Variants in MDN1 observed in about 807,000 individuals in gnomAD.
MDN1 encodes midasin.
A neutral mutation model predicts 669.2 loss-of-function variants in MDN1; 266 were observed. The observed-to-expected ratio is 0.40, with a 90% confidence interval of 0.36 to 0.44. MDN1 has a LOEUF of 0.44. Ranked by LOEUF, MDN1 falls within the 20% of genes least tolerant of loss-of-function variation. MDN1 has a pLI of 1.00. For missense variants in MDN1, 5,940 were observed against 6,754.0 expected (o/e 0.88, Z 4.22); for synonymous variants, 2,385 against 2,457.1 (o/e 0.97, Z 0.87).
At chr6:89,788,066 G>C (rs976452902) in intron 7 of MDN1, 109 bp from the exon 8 acceptor site, 3 of 950,016 alleles carry the variant, frequency 3.2e-6, no homozygotes, top group Admixed American at 2.5e-5. Flanking sequence ...TAAAGGAAAC[G>C]TCAGCTCTCA....
chr6:89,796,802 C>T (rs570808109), intron 2 of MDN1, among the ~76,000 whole-genome samples: 4 of 152,188 alleles, frequency 2.6e-5, no homozygotes, highest in African/African-American at 9.6e-5. Context: ...GGCGCAGTGG[C>T]TCACACCTGT....
chr6:89,790,198 C>A lies in MDN1; in HGVS notation c.1059G>T (p.Gln353His), dbSNP rs1435674560. 8 of 1,614,032 alleles carry A rather than the reference C, an allele frequency of 5.0e-6. No homozygotes were observed. The highest frequency in any genetic ancestry group is 5.9e-6 in the Non-Finnish European group (7 of 1,180,038). The change falls in exon 6 of 102, where the codon CAG becomes CAT. Residue 353 changes from glutamine (Q) to histidine (H), a missense_variant. Transcript: ENST00000369393. ...AAVTGRTKPP[Q>H]LLKVQLGDQT... Reference sequence around the variant, plus strand: ...GATCTCCAAGCTGGACTTTGAGAAGCTGAGGAGGCTTTGTTCTACCTGTCA... The same window carrying A: ...GATCTCCAAGCTGGACTTTGAGAAGATGAGGAGGCTTTGTTCTACCTGTCA...
Position 89,643,359 on chromosome 6 carries a change from A to T in MDN1, c.*646T>A, listed in dbSNP as rs1288192909. 1.3e-5 allele frequency: 2 copies of T among 152,214 alleles called. No homozygotes were observed. The highest frequency in any genetic ancestry group is 2.9e-5 in the Non-Finnish European group (2 of 68,042). The allele number at this position is 152,214 out of a possible 1,614,324, so 9.4% of individuals were successfully genotyped here. Reference sequence around the variant, plus strand: ...GTGTGAAAGAGGATACTGAAAAGCCACTTCATTTTTACACAGCCCAAGGAT... The same window carrying T: ...GTGTGAAAGAGGATACTGAAAAGCCTCTTCATTTTTACACAGCCCAAGGAT... On this transcript the variant is annotated 3_prime_UTR_variant, in exon 102 of 102. Transcript: ENST00000369393.
rs565915357 is a variant in MDN1, at chr6:89,693,170, A to C, written c.9882-22T>G. On this transcript the variant is annotated intron_variant, in intron 62 of 101. Coordinates refer to ENST00000369393, the MANE Select transcript of MDN1 (RefSeq NM_014611.3). ...CAGCCTAACGGGAAATTAACACAAT[A>C]TGCCAATTATGTCAGAAGAAGAGCA... 5.4e-6 allele frequency: 8 copies of C among 1,494,116 alleles called. No individual in the cohort carries two copies. The East Asian group carries it at 1.8e-4, about 34-fold the overall frequency. 92.6% of individuals were successfully genotyped at this position (1,494,116 alleles called of 1,614,324 possible). A position where few individuals can be genotyped will look rare whatever the true frequency, so the allele number is the denominator to read the frequency against.
rs773058081 is a variant in MDN1, at chr6:89,652,176, G to T, written c.15915+16C>A. The T allele has an allele frequency of 2.8e-5, 45 of 1,601,436 alleles. No individual in the cohort carries two copies. Among genetic ancestry groups the T allele is most frequent in the Non-Finnish European group, 3.8e-5 (45 of 1,173,872 alleles). On this transcript the variant is annotated intron_variant, in intron 95 of 101. Coordinates refer to ENST00000369393, the MANE Select transcript of MDN1 (RefSeq NM_014611.3). ...GTCGAGATATTTTATGAAAAAAACA[G>T]TGAGCAGTGACTTACCTCCTCTGGG...
chr6:89,783,257 C>T (rs1022528116), intron 9 of MDN1, among the ~76,000 whole-genome samples: 1 of 152,020 alleles, frequency 6.6e-6, no homozygotes, highest in African/African-American at 2.4e-5. Flanking sequence ...TATTAATACC[C>T]CGGGAAAGGA....
At chr6:89,648,390 A>G (rs1279898753) in intron 97 of MDN1, 61 bp from the exon 98 acceptor site, 6 of 1,509,372 alleles carry the variant, frequency 4.0e-6, no homozygotes, top group Admixed American at 1.7e-5. Flanking sequence ...AGAGCCTCTC[A>G]ACTATTTTTT....
intron 9 of MDN1, among the ~76,000 whole-genome samples, chr6:89,783,091 C>T (rs188223719): frequency 2.0e-5 from 3 of 152,062 alleles, no homozygotes; most frequent in East Asian, 3.9e-4. Context: ...AGAATAACAG[C>T]GATTTTTAGG....
In MDN1 at chr6:89,743,273, A is replaced by AT. The variant is rs762132127; in HGVS notation, c.4324dup (p.Ile1442AsnfsTer2). 6.2e-7 allele frequency: 1 copy of AT among 1,614,110 alleles called. No homozygotes were observed. The highest frequency in any genetic ancestry group is 1.3e-5 in the African/African-American group (1 of 75,038). On this transcript the variant is annotated frameshift_variant, in exon 31 of 102. Coordinates refer to ENST00000369393, the MANE Select transcript of MDN1 (RefSeq NM_014611.3). LOFTEE classifies it high-confidence loss of function. ...CCACTCAAAGAGTCTTGATGTGTCA[A>AT]TTTCTTCCTATAATTTGAAAAAGTG... is the stretch of plus-strand genomic sequence containing the variant.
At chr6:89,806,645 G>T (rs1488613718) in intron 1 of MDN1, among the ~76,000 whole-genome samples, 3 of 152,114 alleles carry the variant, frequency 2.0e-5, no homozygotes, top group African/African-American at 7.2e-5. Flanking sequence ...TTGAACCCAG[G>T]AGGCGGAGGT....
At position 89,761,753 on chromosome 6, in the gene MDN1, A is replaced by C. The variant is rs1184625662; in HGVS notation, c.2357-5T>G. The C allele has an allele frequency of 2.5e-6, 4 of 1,581,490 alleles. No individual in the cohort carries two copies. The highest frequency in any genetic ancestry group is 2.6e-6 in the Non-Finnish European group (3 of 1,154,224). On this transcript the variant is annotated splice_region_variant and splice_polypyrimidine_tract_variant and intron_variant, in intron 16 of 101. Coordinates refer to ENST00000369393, the MANE Select transcript of MDN1 (RefSeq NM_014611.3). ...ATTTCTCTTTTATGAGTAACCCTAA[A>C]AAAGAAAGACAAGAATTCAGCACAC...
chr6:89,655,749 TTC>T lies in MDN1; in HGVS notation c.15490+13_15490+14del, dbSNP rs1432418372. On this transcript the variant is annotated intron_variant, in intron 92 of 101. Coordinates refer to ENST00000369393, the MANE Select transcript of MDN1 (RefSeq NM_014611.3). ...AGCTCAGTGGGCAAAGGCAGCAGCT[TTC>T]CCAGGACCGTACCATAGGTCTGTGC... 3.2e-6 allele frequency: 5 copies of T among 1,583,228 alleles called. No homozygotes were observed. Among genetic ancestry groups the T allele is most frequent in the Non-Finnish European group, 4.3e-6 (5 of 1,163,776 alleles).
intron 9 of MDN1, 119 bp downstream of exon 9, chr6:89,784,893 A>G: frequency 3.0e-6 from 2 of 668,080 alleles, no homozygotes; most frequent in African/African-American, 1.8e-5. Context: ...GTAAAATACT[A>G]GCACACAGAC....
intron 15 of MDN1, among the ~76,000 whole-genome samples, chr6:89,765,477 T>C (rs1402174375): frequency 1.3e-5 from 2 of 152,228 alleles, no homozygotes; most frequent in African/African-American, 4.8e-5. Context: ...AATCTTTTTA[T>C]TTATTTAACT....
intron 2 of MDN1, among the ~76,000 whole-genome samples, chr6:89,795,729 A>G (rs2128327519): frequency 6.6e-6 from 1 of 152,242 alleles, no homozygotes; most frequent in African/African-American, 2.4e-5. Context: ...TGAGGCGGGC[A>G]GATCACCTGA....
At chr6:89,717,841 A>G (rs1262399333) in intron 43 of MDN1, among the ~76,000 whole-genome samples, 1 of 152,244 alleles carries the variant, frequency 6.6e-6, no homozygotes, top group Non-Finnish European at 1.5e-5. Context: ...AATGACAAGC[A>G]TAGTGACAGA....
In MDN1 at chr6:89,745,630, G is replaced by A. The variant is rs1816567620; in HGVS notation, c.3905-4C>T. 5 of 1,608,966 alleles carry A rather than the reference G, an allele frequency of 3.1e-6. No individual in the cohort carries two copies. The highest frequency in any genetic ancestry group is 4.2e-6 in the Non-Finnish European group (5 of 1,177,018). ...CGACCTGCCAGAAGCATATAACCTG[G>A]GAGGAGGAGGAGGAAAAGGAGGAGA... is the stretch of plus-strand genomic sequence containing the variant. On this transcript the variant is annotated splice_region_variant and splice_polypyrimidine_tract_variant and intron_variant, in intron 27 of 101. Transcript: ENST00000369393.
At position 89,688,789 on chromosome 6, in the gene MDN1, T is replaced by C. The variant is rs763778642; in HGVS notation, c.11043A>G (p.Arg3681=). 1.9e-6 allele frequency: 3 copies of C among 1,613,726 alleles called. No individual in the cohort carries two copies. In the African/African-American group the frequency reaches 4.0e-5, roughly 22 times the overall value. The change falls in exon 66 of 102, where the codon CGA becomes CGG. Residue 3681 remains arginine (R), a synonymous_variant. Coordinates refer to ENST00000369393, the MANE Select transcript of MDN1 (RefSeq NM_014611.3). ...YPLMGVELND[R]LLGSQLLACT... is the part of the protein sequence containing the mutation. Reference sequence around the variant, plus strand: ...AGGCCAAAAGTTGGCTGCCCAAGAGTCGGTCATTCAGTTCAACTCCTGTGA... The same window carrying C: ...AGGCCAAAAGTTGGCTGCCCAAGAGCCGGTCATTCAGTTCAACTCCTGTGA...
chr6:89,816,621 T>C (rs1374526759), intron 1 of MDN1, among the ~76,000 whole-genome samples: 1 of 151,850 alleles, frequency 6.6e-6, no homozygotes, highest in East Asian at 1.9e-4. Flanking sequence ...CTGAAACCTG[T>C]TACCTGGAGG....
Sources: allele counts gnomAD v4.1 joint callset (sites outside exome capture counted in the v4.1 genomes callset), GRCh38; gene constraint gnomAD v4.1.1; transcripts MANE v1.5; gene names NCBI Gene and HGNC (gene_info 2026-07-23, HGNC 2026-07-21).